The following ZNF462 variants were observed in gnomAD, a reference collection of about 807,000 sequenced individuals.
The protein encoded by ZNF462 is zinc finger PBX1-interacting protein.
Under a neutral mutation model 201.9 loss-of-function variants are expected in ZNF462, and 10 were observed. The observed-to-expected ratio is 0.05, with a 90% CI of 0.03 to 0.08. The LOEUF (loss-of-function observed/expected upper bound fraction) is 0.08. Among genes scored for constraint, ZNF462 ranks in the 10% least tolerant of loss-of-function variants. The pLI is 1.00. For missense variants in ZNF462, 2,523 were observed against 3,168.3 expected (o/e 0.80, Z 4.89); for synonymous variants, 1,227 against 1,193.3 (o/e 1.03, Z -0.58).
At chr9:106,892,690 A>G (rs908970955) in intron 1 of ZNF462, among the ~76,000 whole-genome samples, 3 of 144,014 alleles carry the variant, frequency 2.1e-5, no homozygotes, top group Admixed American at 1.3e-4. Flanking sequence ...ACACACACAC[A>G]TGCACACACA....
chr9:106,881,199 ATCTTT>A (rs1828080258), intron 1 of ZNF462, among the ~76,000 whole-genome samples: 1 of 152,184 alleles, frequency 6.6e-6, no homozygotes, highest in Admixed American at 6.5e-5. Flanking sequence ...ACTCTAGACC[ATCTTT>A]TCAAACACTA....
rs908890735 is a variant in ZNF462 at position 106,978,324 on chromosome 9, G to A, written c.6832+4051G>A. On this transcript the variant is annotated intron_variant, in intron 9 of 12. Transcript: ENST00000277225. This position sits in a 1 kb window ranked among gnomAD's most constrained non-coding sequence, Gnocchi z 4.1. Reference sequence around the variant, plus strand: ...CAGAATGTTATTAGACATTTCCGGGGTCCTGAAGAGAATAGGAAGCATACC... The same window carrying A: ...CAGAATGTTATTAGACATTTCCGGGATCCTGAAGAGAATAGGAAGCATACC... Among the ~76,000 whole-genome samples the A allele has an allele frequency of 6.6e-6, 1 of 151,548 alleles. No homozygotes were observed. Among genetic ancestry groups the A allele is most frequent in the African/African-American group, 2.4e-5 (1 of 40,826 alleles).
Position 106,926,579 on chromosome 9 carries a change from G to A in ZNF462, c.2667G>A (p.Leu889=), listed in dbSNP as rs760278954. The A allele has an allele frequency of 1.9e-6, 3 of 1,614,158 alleles. No homozygotes were observed. The highest frequency in any genetic ancestry group is 1.7e-6 in the Non-Finnish European group (2 of 1,180,030). The part of the protein sequence containing the change: ...PNDHSAVYRC[L]ECYIDYTNFE... Reference sequence around the variant, plus strand: ...ATCACAGTGCAGTGTACAGGTGCCTGGAATGCTACATCGATTACACCAACT... The same window carrying A: ...ATCACAGTGCAGTGTACAGGTGCCTAGAATGCTACATCGATTACACCAACT... The change falls in exon 3 of 13, where the codon CTG becomes CTA. Residue 889 remains leucine, a synonymous_variant. Transcript: ENST00000277225. This position sits in a 1 kb window ranked among gnomAD's most constrained non-coding sequence, Gnocchi z 7.9.
At chr9:106,889,944 T>C (rs1828503049) in intron 1 of ZNF462, among the ~76,000 whole-genome samples, 1 of 152,336 alleles carries the variant, frequency 6.6e-6, no homozygotes, top group South Asian at 2.1e-4. Context: ...CCCAGGTGAT[T>C]AGAGTGCAGG....
At position 106,920,622 on chromosome 9, in the gene ZNF462, C is replaced by T. The variant is rs1829952286; in HGVS notation, c.-30-2732C>T. 6.6e-6 allele frequency among the ~76,000 whole-genome samples: 1 copy of T among 152,182 alleles called. No homozygotes were observed. ...TTCATCATCTCTTCTTTTTCCAAAT[C>T]AGTGACTCTTTTTCTGATCTCATAA... On this transcript the variant is annotated intron_variant, in intron 1 of 12. Transcript: ENST00000277225. The surrounding 1 kb of genome is among the most constrained non-coding windows in gnomAD (Gnocchi z 4.3).
In ZNF462 at chr9:106,925,854, C is replaced by T; in HGVS notation, c.1942C>T (p.His648Tyr). 2 of 1,614,176 alleles carry T rather than the reference C, an allele frequency of 1.2e-6. No individual in the cohort carries two copies. The highest frequency in any genetic ancestry group is 8.5e-7 in the Non-Finnish European group (1 of 1,180,036). ...SLPLENETDSHPSSSNTVKKS... is the reference protein window; with the variant it reads ...SLPLENETDSYPSSSNTVKKS... Reference sequence around the variant, plus strand: ...ACCATTGGAAAATGAGACAGACAGCCACCCCTCTTCCAGCAACACTGTGAA... The same window carrying T: ...ACCATTGGAAAATGAGACAGACAGCTACCCCTCTTCCAGCAACACTGTGAA... The change falls in exon 3 of 13, where the codon CAC (histidine) becomes TAC (tyrosine). Residue 648 changes from histidine (H) to tyrosine (Y), a missense_variant. Coordinates refer to ENST00000277225, the MANE Select transcript of ZNF462 (RefSeq NM_021224.6). This position sits in a 1 kb window ranked among gnomAD's most constrained non-coding sequence, Gnocchi z 7.9.
rs1037642713 is a variant in ZNF462, at chr9:106,870,772, G to A, written c.-31+7417G>A. Among the ~76,000 whole-genome samples the A allele has an allele frequency of 2.6e-5, 4 of 152,192 alleles. No individual in the cohort carries two copies. The highest frequency in any genetic ancestry group is 9.7e-5 in the African/African-American group (4 of 41,448). ...CCCAGGTGAGACAACTGTGTCAGAA[G>A]TAATAAAGCCCAGGATTTGTGGAGA... On this transcript the variant is annotated intron_variant, in intron 1 of 12. Coordinates refer to ENST00000277225, the MANE Select transcript of ZNF462 (RefSeq NM_021224.6). The surrounding 1 kb of genome is among the most constrained non-coding windows in gnomAD (Gnocchi z 4.3).
In ZNF462 at chr9:106,974,104, A is replaced by G. The variant is rs1352388433; in HGVS notation, c.6696-33A>G. On this transcript the variant is annotated intron_variant, in intron 8 of 12. Transcript: ENST00000277225. This position sits in a 1 kb window ranked among gnomAD's most constrained non-coding sequence, Gnocchi z 4.0. ...TGAAAATGCAATGATCCCTGGTTACACGCATCACCTCTCCTCCCAAACTCT... is the reference window on the plus strand; with the variant it reads ...TGAAAATGCAATGATCCCTGGTTACGCGCATCACCTCTCCTCCCAAACTCT... 6.2e-7 allele frequency: 1 copy of G among 1,613,580 alleles called. No individual in the cohort carries two copies. The highest frequency in any genetic ancestry group is 2.2e-5 in the East Asian group (1 of 44,834).
intron 7 of ZNF462, among the ~76,000 whole-genome samples, chr9:106,952,087 A>G (rs1050837008): frequency 2.0e-5 from 3 of 152,112 alleles, no homozygotes; most frequent in Admixed American, 6.5e-5. Context: ...TGGAACCATG[A>G]GTTTGAGATT....
chr9:106,905,284 G>A lies in ZNF462; in HGVS notation c.-30-18070G>A, dbSNP rs2131228847. 6.6e-6 allele frequency among the ~76,000 whole-genome samples: 1 copy of A among 152,278 alleles called. No homozygotes were observed. The highest frequency in any genetic ancestry group is 1.5e-5 in the Non-Finnish European group (1 of 68,018). On this transcript the variant is annotated intron_variant, in intron 1 of 12. Transcript: ENST00000277225. The surrounding 1 kb of genome is among the most constrained non-coding windows in gnomAD (Gnocchi z 5.9). ...TCCTGTGATGTGAATTGTCTAAGGGGTCTCTCAGCCATGGATACCAGCACC... is the reference window on the plus strand; with the variant it reads ...TCCTGTGATGTGAATTGTCTAAGGGATCTCTCAGCCATGGATACCAGCACC...
At chr9:106,911,332 G>T (rs1264660071) in intron 1 of ZNF462, among the ~76,000 whole-genome samples, 1 of 152,122 alleles carries the variant, frequency 6.6e-6, no homozygotes, top group Admixed American at 6.5e-5. Context: ...CATCCAGTCG[G>T]CAGCATTTTA....
At position 106,930,135 on chromosome 9, in the gene ZNF462, C is replaced by T. The variant is rs553794944; in HGVS notation, c.5847+376C>T. Among the ~76,000 whole-genome samples the T allele has an allele frequency of 6.6e-6, 1 of 152,278 alleles. No individual in the cohort carries two copies. The highest frequency in any genetic ancestry group is 2.1e-4 in the South Asian group (1 of 4,818). On this transcript the variant is annotated intron_variant, in intron 3 of 12. Coordinates refer to ENST00000277225, the MANE Select transcript of ZNF462 (RefSeq NM_021224.6). This position sits in a 1 kb window ranked among gnomAD's most constrained non-coding sequence, Gnocchi z 5.8. Reference sequence around the variant, plus strand: ...TAGCACTTCTCAGCCATGTCTTGGTCTTCAGTGTTTGCTACATGAACCTAA... The same window carrying T: ...TAGCACTTCTCAGCCATGTCTTGGTTTTCAGTGTTTGCTACATGAACCTAA...
intron 1 of ZNF462, among the ~76,000 whole-genome samples, chr9:106,901,460 G>A (rs1449456522): frequency 6.6e-6 from 1 of 152,038 alleles, no homozygotes; most frequent in Non-Finnish European, 1.5e-5. Flanking sequence ...AAGAATGATG[G>A]TGGTATTCTG....
At chr9:106,973,409 A>G (rs564738477) in intron 8 of ZNF462, among the ~76,000 whole-genome samples, 1 of 152,162 alleles carries the variant, frequency 6.6e-6, no homozygotes, top group Non-Finnish European at 1.5e-5. Flanking sequence ...TGCTCCAGTT[A>G]CTTTTCAGAT....
intron 10 of ZNF462, among the ~76,000 whole-genome samples, chr9:106,988,938 G>A (rs1828059202): frequency 1.3e-5 from 2 of 152,066 alleles, no homozygotes; most frequent in South Asian, 4.2e-4. Context: ...GATTTCTGGA[G>A]GAGTCCTTAG....
Position 106,932,479 on chromosome 9 carries a change from C to T in ZNF462, c.6046C>T (p.Leu2016=). 1 of 1,614,246 alleles carries T rather than the reference C, an allele frequency of 6.2e-7. No individual in the cohort carries two copies. The highest frequency in any genetic ancestry group is 8.5e-7 in the Non-Finnish European group (1 of 1,180,046). Residue 2016 remains leucine, a synonymous_variant, in exon 5 of 13, where the codon CTG becomes TTG. Coordinates refer to ENST00000277225, the MANE Select transcript of ZNF462 (RefSeq NM_021224.6). The surrounding 1 kb of genome is among the most constrained non-coding windows in gnomAD (Gnocchi z 6.8). ...TTCTCATGAGAGGAGCCACCTGGCCCTGGCCATGTTTACCCGCGAGGACAA... is the reference window on the plus strand; with the variant it reads ...TTCTCATGAGAGGAGCCACCTGGCCTTGGCCATGTTTACCCGCGAGGACAA... ...LRSHERSHLA[L]AMFTREDKYS...
At position 106,977,460 on chromosome 9, in the gene ZNF462, A is replaced by T. The variant is rs1381873269; in HGVS notation, c.6832+3187A>T. Among the ~76,000 whole-genome samples, 1 of 151,676 alleles carries T rather than the reference A, an allele frequency of 6.6e-6. No individual in the cohort carries two copies. Among genetic ancestry groups the T allele is most frequent in the Admixed American group, 6.6e-5 (1 of 15,264 alleles). ...TTGCTTTTTGTCTGTATAAATTGAT[A>T]TATTTAAGTAGAGAGAGAATCTACT... is the stretch of plus-strand genomic sequence containing the variant. On this transcript the variant is annotated intron_variant, in intron 9 of 12. Transcript: ENST00000277225. This position sits in a 1 kb window ranked among gnomAD's most constrained non-coding sequence, Gnocchi z 4.6.
Position 106,972,109 on chromosome 9 carries a change from G to A in ZNF462, c.6532G>A (p.Gly2178Arg), listed in dbSNP as rs1241265232. 1 of 1,614,124 alleles carries A rather than the reference G, an allele frequency of 6.2e-7. No individual in the cohort carries two copies. Among genetic ancestry groups the A allele is most frequent in the African/African-American group, 1.3e-5 (1 of 75,028 alleles). ...NSRVSPVPLS[G>R]AAAGTEQKTE... ...CCGTGTTAGCCCTGTGCCTCTTTCT[G>A]GGGCTGCTGCTGGCACTGAGCAGAA... Residue 2178 changes from glycine to arginine, a missense_variant, in exon 8 of 13, where the codon GGG (glycine) becomes AGG (arginine). Physicochemically the swap from Gly to Arg is moderately radical, Grantham distance 125. Around this residue, in one of 15 missense-constraint regions of ZNF462, gnomAD observed 228 missense variants for 361.2 expected, o/e 0.63. Coordinates refer to ENST00000277225, the MANE Select transcript of ZNF462 (RefSeq NM_021224.6). This position sits in a 1 kb window ranked among gnomAD's most constrained non-coding sequence, Gnocchi z 4.8.
intron 7 of ZNF462, among the ~76,000 whole-genome samples, chr9:106,953,977 A>G (rs1266935041): frequency 6.6e-6 from 1 of 151,998 alleles, no homozygotes; most frequent in East Asian, 1.9e-4. Context: ...TCTCACATCC[A>G]TCTCCCTCCT....
Sources: allele counts gnomAD v4.1 joint callset (sites outside exome capture counted in the v4.1 genomes callset), GRCh38; gene constraint gnomAD v4.1.1; regional missense constraint gnomAD v4.1.1; non-coding constraint Gnocchi (gnomAD v3.1); transcripts MANE v1.5; gene names NCBI Gene and HGNC (gene_info 2026-07-23, HGNC 2026-07-21).